The following UBAP2 variants were observed in gnomAD, a reference collection of about 807,000 sequenced individuals.
The protein encoded by UBAP2 is ubiquitin associated protein 2.
UBAP2 carries 75 observed loss-of-function variants against 139.6 expected under a neutral mutation model. That is an observed-to-expected ratio of 0.54 (90% CI 0.45 to 0.65). The LOEUF (loss-of-function observed/expected upper bound fraction) is 0.65, where lower values mean the gene tolerates loss of function less well. UBAP2 is among the 30% of genes least tolerant of loss of function. UBAP2 has a pLI of 0.00. For synonymous variants in UBAP2, 526 were observed against 526.2 expected (o/e 1.00, Z 0.01); for missense variants, 1,368 against 1,369.6 (o/e 1.00, Z 0.02).
chr9:34,029,840 T>G (rs1490326874), intron 1 of UBAP2, among the ~76,000 whole-genome samples: 1 of 147,326 alleles, frequency 6.8e-6, no homozygotes, highest in South Asian at 2.2e-4. Flanking sequence ...ATACAAAAAT[T>G]AGGCCGCTGT....
intron 21 of UBAP2, 97 bp downstream of exon 21, chr9:33,926,892 A>G: frequency 7.8e-7 from 1 of 1,275,464 alleles, no homozygotes; most frequent in Non-Finnish European, 1.1e-6. Flanking sequence ...AGGGCAGCTC[A>G]AGGTGGGCAA....
intron 6 of UBAP2, among the ~76,000 whole-genome samples, chr9:33,974,923 G>A (rs570993887): frequency 1.4e-4 from 17 of 123,348 alleles, no homozygotes; most frequent in East Asian, 2.9e-4. Flanking sequence ...GGTTAACAGC[G>A]TGAGACTAAA....
intron 1 of UBAP2, among the ~76,000 whole-genome samples, chr9:34,032,459 G>A (rs566635727): frequency 6.6e-6 from 1 of 152,256 alleles, no homozygotes; most frequent in African/African-American, 2.4e-5. Flanking sequence ...GGCTTCACAG[G>A]AAAGGGGATA....
chr9:34,017,007 GAAAAAAAAGGAAAAA>G (rs1824415689), intron 2 of UBAP2, 28 bp downstream of exon 2: 1 of 1,232,590 alleles, frequency 8.1e-7, no homozygotes, highest in Non-Finnish European at 1.1e-6. Context: ...AATAATAAAA[GAAAAAAAAGGAAAAA>G]AAAAAAAAGA....
At chr9:34,016,345 G>C (rs1429981616) in intron 2 of UBAP2, among the ~76,000 whole-genome samples, 2 of 133,234 alleles carry the variant, frequency 1.5e-5, no homozygotes, top group African/African-American at 5.5e-5. Flanking sequence ...GGAGGAAGAG[G>C]AGGAGGCAGC....
At chr9:33,959,652 C>T (rs1826868254) in intron 10 of UBAP2, among the ~76,000 whole-genome samples, 1 of 152,112 alleles carries the variant, frequency 6.6e-6, no homozygotes, top group African/African-American at 2.4e-5. Flanking sequence ...TATAGACTGA[C>T]AGTACCCAGA....
intron 4 of UBAP2, among the ~76,000 whole-genome samples, chr9:33,991,102 T>A (rs563492155): frequency 6.6e-6 from 1 of 152,098 alleles, no homozygotes; most frequent in East Asian, 1.9e-4. Context: ...CTGGCCAACA[T>A]TGTGAAACTC....
At chr9:33,947,194 C>T (rs1297420638) in intron 13 of UBAP2, among the ~76,000 whole-genome samples, 3 of 152,134 alleles carry the variant, frequency 2.0e-5, no homozygotes, top group Non-Finnish European at 2.9e-5. Context: ...CTTCAAACCC[C>T]GGAGTGGTCT....
At chr9:34,031,256 T>C (rs968416189) in intron 1 of UBAP2, among the ~76,000 whole-genome samples, 2 of 136,252 alleles carry the variant, frequency 1.5e-5, no homozygotes, top group Admixed American at 7.9e-5. Context: ...CAGCCTGTGC[T>C]ACAAGAGCAA....
chr9:34,005,434 C>CAAAAAA, intron 2 of UBAP2, among the ~76,000 whole-genome samples: 1 of 86,306 alleles, frequency 1.2e-5, no homozygotes, highest in Non-Finnish European at 2.2e-5. Context: ...GACCCTGTCT[C>CAAAAAA]AAAAAAAAAA....
chr9:34,013,316 G>C (rs1055267287), intron 2 of UBAP2, among the ~76,000 whole-genome samples: 5 of 151,340 alleles, frequency 3.3e-5, no homozygotes, highest in African/African-American at 1.2e-4. Context: ...TTGGGAGGCG[G>C]AGCTGGGTGG....
chr9:34,047,463 G>C (rs150236972), intron 1 of UBAP2, among the ~76,000 whole-genome samples: 2,603 of 150,192 alleles, frequency 0.017, 31 homozygotes, highest in Non-Finnish European at 0.027. Context: ...GGATACGGGA[G>C]AGCTTAGGTA....
intron 1 of UBAP2, among the ~76,000 whole-genome samples, chr9:34,037,658 T>C (rs1826553819): frequency 6.6e-6 from 1 of 152,198 alleles, no homozygotes; most frequent in African/African-American, 2.4e-5. Flanking sequence ...GCAGTAGTTA[T>C]TTCTTGCTTA....
At chr9:34,024,339 T>C (rs577890008) in intron 1 of UBAP2, among the ~76,000 whole-genome samples, 2 of 44,454 alleles carry the variant, frequency 4.5e-5, no homozygotes, top group African/African-American at 7.5e-5. Context: ...CAAAACTCTG[T>C]CTCAAAAAAA....
chr9:33,943,059 G>A (rs1451649826), intron 15 of UBAP2, among the ~76,000 whole-genome samples: 1 of 130,534 alleles, frequency 7.7e-6, no homozygotes, highest in Non-Finnish European at 1.7e-5. Context: ...ACTAATGAAT[G>A]AATAAAATGT....
chr9:34,027,519 A>T (rs1354522643), intron 1 of UBAP2, among the ~76,000 whole-genome samples: 2 of 150,634 alleles, frequency 1.3e-5, no homozygotes, highest in Non-Finnish European at 3.0e-5. Context: ...GGAGTTTAAA[A>T]CCAGCCTGGG....
At chr9:33,954,855 G>A (rs1375660178) in intron 11 of UBAP2, among the ~76,000 whole-genome samples, 1 of 152,272 alleles carries the variant, frequency 6.6e-6, no homozygotes, top group East Asian at 1.9e-4. Flanking sequence ...TTTAGCATGA[G>A]ATTGATCCTG....
chr9:34,037,584 T>C (rs1826546176), intron 1 of UBAP2, among the ~76,000 whole-genome samples: 1 of 152,210 alleles, frequency 6.6e-6, no homozygotes, highest in Non-Finnish European at 1.5e-5. Flanking sequence ...AAAAGTTACA[T>C]TTTATCCTAC....
chr9:34,037,561 T>C (rs1826543930), intron 1 of UBAP2, among the ~76,000 whole-genome samples: 1 of 152,192 alleles, frequency 6.6e-6, no homozygotes, highest in Non-Finnish European at 1.5e-5. Flanking sequence ...TTTTAGACTT[T>C]CCAAAAGCCC....
Sources: allele counts gnomAD v4.1 joint callset (sites outside exome capture counted in the v4.1 genomes callset), GRCh38; gene constraint gnomAD v4.1.1; transcripts MANE v1.5; gene names NCBI Gene and HGNC (gene_info 2026-07-23, HGNC 2026-07-21).